The following ZNF324B variants were observed in gnomAD, a reference collection of about 807,000 sequenced individuals.
ZNF324B encodes the protein zinc finger protein 324B.
A neutral mutation model predicts 10.6 loss-of-function variants in ZNF324B; 7 were observed. That is an observed-to-expected ratio of 0.66 (90% confidence interval 0.38 to 1.24). ZNF324B has a LOEUF of 1.24. ZNF324B is among the 50% of genes most tolerant of loss of function. The pLI is 0.02. For synonymous variants in ZNF324B, 316 were observed against 321.0 expected, an observed-to-expected ratio of 0.98 and a Z score of 0.17; for missense variants, 640 against 764.7, an observed-to-expected ratio of 0.84 and a Z score of 1.92.
At position 58,455,388 on chromosome 19, in the gene ZNF324B, G is replaced by A; in HGVS notation, c.444G>A (p.Leu148=). The A allele has an allele frequency of 6.2e-7, 1 of 1,614,238 alleles. No individual in the cohort carries two copies. The highest frequency in any genetic ancestry group is 8.5e-7 in the Non-Finnish European group (1 of 1,180,032). The change falls in exon 4 of 4, where the codon CTG becomes CTA. Residue 148 remains leucine (L), a synonymous_variant. Coordinates refer to ENST00000336614, the MANE Select transcript of ZNF324B (RefSeq NM_207395.3). This position sits in a 1 kb window ranked among gnomAD's most constrained non-coding sequence, Gnocchi z 7.0. ...CGGTGATCTACTGGGAGAGGCTCCTGCTAGGCTCGCGCAGTGACCAGGCCA... is the reference window on the plus strand; with the variant it reads ...CGGTGATCTACTGGGAGAGGCTCCTACTAGGCTCGCGCAGTGACCAGGCCA... ...GVSVIYWERL[L]LGSRSDQASI...
chr19:58,432,991 C>T, the ZNF324B span: 2 of 200,480 alleles, frequency 1.0e-5, no homozygotes, highest in Non-Finnish European at 2.0e-5. Context: ...CAAGGCCCCT[C>T]AACCAGCATC....
chr19:58,432,016 C>A, the ZNF324B span, among the ~76,000 whole-genome samples: 1 of 152,020 alleles, frequency 6.6e-6, no homozygotes, highest in Non-Finnish European at 1.5e-5. Flanking sequence ...GTGCCAAACA[C>A]CATATTCTAC....
intron 3 of ZNF324B, 75 bp downstream of exon 3, chr19:58,454,419 G>A (rs1485706961): frequency 3.2e-6 from 3 of 938,752 alleles, no homozygotes; most frequent in Non-Finnish European, 5.2e-6. Context: ...TTCTGACTCT[G>A]GAAACACATC....
At chr19:58,439,844 C>A in the ZNF324B span, 2 of 1,536,720 alleles carry the variant, frequency 1.3e-6, no homozygotes, top group East Asian at 2.5e-5. Flanking sequence ...AGGGCTAGCC[C>A]TGCCGCTGGG....
the ZNF324B span, among the ~76,000 whole-genome samples, chr19:58,425,313 G>A: frequency 6.6e-6 from 1 of 151,330 alleles, no homozygotes; most frequent in Non-Finnish European, 1.5e-5. Context: ...TAAACTCCCC[G>A]GCTCAAGTGA....
At chr19:58,428,921 G>C in the ZNF324B span, 1 of 152,342 alleles carries the variant, frequency 6.6e-6, no homozygotes, top group East Asian at 1.9e-4. Context: ...CAGGTACTGG[G>C]GGATGTAGCT....
chr19:58,451,145 G>A (rs2052852792), upstream of ZNF324B, among the ~76,000 whole-genome samples: 1 of 152,198 alleles, frequency 6.6e-6, no homozygotes, highest in African/African-American at 2.4e-5. Flanking sequence ...CACACAGAGA[G>A]ATCAAACCCT....
intron 1 of ZNF324B, among the ~76,000 whole-genome samples, chr19:58,452,942 C>CA (rs1471801480): frequency 6.6e-6 from 1 of 151,592 alleles, no homozygotes; most frequent in Non-Finnish European, 1.5e-5. Context: ...ACTAAAAATC[C>CA]AAAAAAATTA....
At chr19:58,418,676 G>C in the ZNF324B span, 27,089 of 152,040 alleles carry the variant, frequency 0.18, 2,654 homozygotes, top group Non-Finnish European at 0.22. Flanking sequence ...GTAGTGTGAA[G>C]CTAGCTCATT....
the ZNF324B span, among the ~76,000 whole-genome samples, chr19:58,438,272 C>T: frequency 7.9e-5 from 12 of 152,310 alleles, 1 homozygote; most frequent in African/African-American, 2.9e-4. Context: ...GCAGTGTCCA[C>T]ACACAAGCAT....
At chr19:58,442,813 G>A in the ZNF324B span, 1 of 152,308 alleles carries the variant, frequency 6.6e-6, no homozygotes, top group African/African-American at 2.4e-5. Flanking sequence ...TTTGTGGTGA[G>A]TGTTATAGCT....
At chr19:58,432,500 A>G in the ZNF324B span, among the ~76,000 whole-genome samples, 1 of 152,322 alleles carries the variant, frequency 6.6e-6, no homozygotes, top group South Asian at 2.1e-4. Flanking sequence ...CTATGCACAT[A>G]GAGTCCTCCA....
rs761371084 is a variant in ZNF324B at position 58,455,454 on chromosome 19, GA to G, written c.511del (p.Ser171AlafsTer43). The G allele has an allele frequency of 3.1e-6, 5 of 1,614,014 alleles. No individual in the cohort carries two copies. Among genetic ancestry groups the G allele is most frequent in the Non-Finnish European group, 4.2e-6 (5 of 1,180,000 alleles). ...TGACCTCCCCACTCAGGCCCCCCAAGAGCAGCCGGCCCAGGGAAAAGACCTT... is the reference window on the plus strand; with the variant it reads ...TGACCTCCCCACTCAGGCCCCCCAAGGCAGCCGGCCCAGGGAAAAGACCTT... Reference protein sequence around the residue: ...RLTSPLRPPKSSRPREKTFTE... With the variant: ...RLTSPLRPPKXSRPREKTFTE... On this transcript the variant is annotated frameshift_variant, in exon 4 of 4. Coordinates refer to ENST00000336614, the MANE Select transcript of ZNF324B (RefSeq NM_207395.3). LOFTEE classifies it low-confidence loss of function (END_TRUNC). This position sits in a 1 kb window ranked among gnomAD's most constrained non-coding sequence, Gnocchi z 7.0.
At chr19:58,427,705 G>T in the ZNF324B span, among the ~76,000 whole-genome samples, 1 of 151,408 alleles carries the variant, frequency 6.6e-6, no homozygotes, top group Non-Finnish European at 1.5e-5. Context: ...GCCCAGGCTG[G>T]AGTGCAGTGG....
At chr19:58,440,186 G>T in the ZNF324B span, 1 of 314,314 alleles carries the variant, frequency 3.2e-6, no homozygotes, top group South Asian at 3.3e-5. Context: ...CTCAATGACA[G>T]CTCGGACTTG....
At chr19:58,452,090 G>C (rs780415144) in intron 1 of ZNF324B, 5 of 175,602 alleles carry the variant, frequency 2.8e-5, no homozygotes, top group African/African-American at 9.6e-5. Context: ...CCCTGCCCTG[G>C]GGGGGTTGCG....
chr19:58,428,977 G>T, the ZNF324B span: 1 of 152,264 alleles, frequency 6.6e-6, no homozygotes, highest in Admixed American at 6.5e-5. Context: ...AACTTTTGCT[G>T]TGGAGGTTCT....
At chr19:58,430,980 GC>G in the ZNF324B span, 1 of 152,192 alleles carries the variant, frequency 6.6e-6, no homozygotes, top group Non-Finnish European at 1.5e-5. Flanking sequence ...TCTCTTTTGA[GC>G]TTCTCATTAT....
intron 1 of ZNF324B, chr19:58,452,893 T>G (rs1257895329): frequency 1.3e-5 from 2 of 151,964 alleles, no homozygotes; most frequent in Non-Finnish European, 2.9e-5. Context: ...AGCGCTGAGA[T>G]CGAGACCATC....
Sources: allele counts gnomAD v4.1 joint callset (sites outside exome capture counted in the v4.1 genomes callset), GRCh38; gene constraint gnomAD v4.1.1; non-coding constraint Gnocchi (gnomAD v3.1); transcripts MANE v1.5; gene names NCBI Gene and HGNC (gene_info 2026-07-23, HGNC 2026-07-21).